MSN: variants seen among roughly 807,000 people sequenced by gnomAD.
MSN encodes epididymis luminal protein 70.
In MSN, 2 loss-of-function variants were observed where a neutral mutation model predicts 48.0. The observed-to-expected ratio is 0.04, with a 90% CI of 0.02 to 0.13. MSN has a LOEUF of 0.13. MSN is among the 10% of genes least tolerant of loss of function. The pLI is 1.00. For missense variants in MSN, 267 were observed against 470.1 expected (o/e 0.57, Z 3.99); for synonymous variants, 146 against 166.9 (o/e 0.87, Z 0.97).
At chrX:65,588,658 A>G (rs974386135) in intron 1 of MSN, 6 of 785,912 alleles carry the variant, frequency 7.6e-6, no homozygotes, top group Non-Finnish European at 4.6e-6. Context: ...GTTCCTGGAC[A>G]GGAAGTGCCA....
intron 1 of MSN, among the ~76,000 whole-genome samples, chrX:65,696,024 T>C (rs1427043203): frequency 9.0e-6 from 1 of 111,331 alleles, no homozygotes; most frequent in Non-Finnish European, 1.9e-5. Context: ...GTCAGCTCTA[T>C]CTCAAGCAAC....
intron 1 of MSN, among the ~76,000 whole-genome samples, chrX:65,593,589 C>T (rs1235628049): frequency 1.8e-5 from 2 of 111,753 alleles, no homozygotes; most frequent in Non-Finnish European, 3.8e-5. Context: ...GTCACCCAGG[C>T]TGGAGTGCAA....
At position 65,649,586 on chromosome X, in the gene MSN, A is replaced by ATAT. The variant is rs200790731; in HGVS notation, c.-22+60974_-22+60975insTAT. 9.4e-4 allele frequency among the ~76,000 whole-genome samples: 93 copies of ATAT among 98,813 alleles called. 1 individual carries two copies. The highest frequency in any genetic ancestry group is 3.6e-3 in the African/African-American group (93 of 25,677). 85.8% of individuals were successfully genotyped at this position (98,813 alleles called of 115,157 possible). A position where few individuals can be genotyped will look rare whatever the true frequency, so the allele number is the denominator to read the frequency against. On this transcript the variant is annotated intron_variant, in intron 1 of 3. Transcript: ENST00000609672. ...GAGAGACTCTATCTCAAAAAAAAAA[A>ATAT]AAATATATATATATATATTTGTGTG...
chrX:65,638,611 G>T, intron 1 of MSN, among the ~76,000 whole-genome samples: 1 of 112,590 alleles, frequency 8.9e-6, no homozygotes, highest in Middle Eastern at 4.6e-3. Context: ...ACTGAGTGCA[G>T]TGGCACGATC....
chrX:65,620,028 G>C (rs1454594236), intron 1 of MSN, among the ~76,000 whole-genome samples: 3 of 111,947 alleles, frequency 2.7e-5, no homozygotes, highest in Non-Finnish European at 5.6e-5. Flanking sequence ...TCGGGGATCA[G>C]GGGTCAGGGA....
At chrX:65,676,960 G>T (rs766758501) in intron 1 of MSN, among the ~76,000 whole-genome samples, 1 of 110,634 alleles carries the variant, frequency 9.0e-6, no homozygotes, top group South Asian at 3.8e-4. Context: ...AAGTAGCTGG[G>T]ACTACAGGTG....
At chrX:65,592,192 C>CTTTTTTTTTTTTT (rs1176549178) in intron 1 of MSN, among the ~76,000 whole-genome samples, 1 of 76,921 alleles carries the variant, frequency 1.3e-5, no homozygotes, top group African/African-American at 5.1e-5. Context: ...CTCTTCATCC[C>CTTTTTTTTTTTTT]TTTTTTTTTT....
At position 65,736,860 on chromosome X, in the gene MSN, G is replaced by A. The variant is rs745720734; in HGVS notation, c.1025G>A (p.Arg342Gln). 3 of 1,184,053 alleles carry A rather than the reference G, an allele frequency of 2.5e-6. No individual in the cohort carries two copies. The highest frequency in any genetic ancestry group is 1.9e-5 in the South Asian group (1 of 53,955). The change falls in exon 9 of 13, where the codon CGG (arginine) becomes CAG (glutamine). Residue 342 changes from arginine to glutamine, a missense_variant. By Grantham distance (43) the Arg-to-Gln change is conservative. Coordinates refer to ENST00000360270, the MANE Select transcript of MSN (RefSeq NM_002444.3). The part of the protein sequence containing the change: ...MAEKEKEKIE[R>Q]EKEELMERLK... ...GAGAAGGAGAAAGAGAAGATTGAACGGGAGAAGGAGGAGCTGATGGAGAGG... is the reference window on the plus strand; with the variant it reads ...GAGAAGGAGAAAGAGAAGATTGAACAGGAGAAGGAGGAGCTGATGGAGAGG...
At chrX:65,652,003 C>A (rs1353196038) in intron 1 of MSN, among the ~76,000 whole-genome samples, 1 of 108,435 alleles carries the variant, frequency 9.2e-6, no homozygotes, top group Non-Finnish European at 1.9e-5. Context: ...GTAATCCCAG[C>A]ACTTTGGGAG....
At position 65,646,872 on chromosome X, in the gene MSN, G is replaced by A. The variant is rs770240741; in HGVS notation, c.-22+58260G>A. Among the ~76,000 whole-genome samples, 53 of 111,216 alleles carry A rather than the reference G, an allele frequency of 4.8e-4. 1 individual carries two copies. Among genetic ancestry groups the A allele is most frequent in the African/African-American group, 1.2e-3 (36 of 30,630 alleles). The stretch of plus-strand genomic sequence containing the variant: ...TGAGGCAGGAGAATCTCTTGAACCC[G>A]GGGAGCGGAGGTTGTGGTGAGCCGA... On this transcript the variant is annotated intron_variant, in intron 1 of 3. Transcript: ENST00000609672.
At chrX:65,670,463 G>GCT (rs1337466006) in intron 1 of MSN, among the ~76,000 whole-genome samples, 1 of 111,299 alleles carries the variant, frequency 9.0e-6, no homozygotes, top group Non-Finnish European at 1.9e-5. Context: ...GGTGGCTCCA[G>GCT]CCAGTAATCC....
intron 1 of MSN, among the ~76,000 whole-genome samples, chrX:65,715,039 G>A (rs1376289847): frequency 8.9e-6 from 1 of 111,770 alleles, no homozygotes; most frequent in Non-Finnish European, 1.9e-5. Context: ...TCTACATATG[G>A]CTAACCAGTT....
At chrX:65,616,192 C>T (rs928447397) in intron 1 of MSN, among the ~76,000 whole-genome samples, 1 of 110,855 alleles carries the variant, frequency 9.0e-6, no homozygotes, top group African/African-American at 3.3e-5. Context: ...GATGTGGGCT[C>T]TTTTTTGGTT....
In MSN at chrX:65,731,178, G is replaced by A. The variant is rs373340100; in HGVS notation, c.539G>A (p.Arg180His). Residue 180 changes from arginine to histidine, a missense_variant, in exon 5 of 13, where the codon CGT (arginine) becomes CAT (histidine). Arg to His is a conservative substitution (Grantham distance 29). Transcript: ENST00000360270. ...ATCCAGGTGTGGCATGAGGAACACC[G>A]TGGCATGCTCAGGTAAGCTTGCCCA... is the stretch of plus-strand genomic sequence containing the variant. ...ERIQVWHEEH[R>H]GMLREDAVLE... The A allele has an allele frequency of 6.7e-6, 8 of 1,202,351 alleles. No homozygotes were observed. The highest frequency in any genetic ancestry group is 4.4e-5 in the Admixed American group (2 of 45,124).
chrX:65,711,482 C>T (rs1234829195), intron 1 of MSN, among the ~76,000 whole-genome samples: 1 of 112,689 alleles, frequency 8.9e-6, no homozygotes, highest in African/African-American at 3.2e-5. Flanking sequence ...AGGCGTGAGA[C>T]ACCATACCCG....
chrX:65,608,429 T>A (rs2070294735), intron 1 of MSN, among the ~76,000 whole-genome samples: 1 of 110,407 alleles, frequency 9.1e-6, no homozygotes, highest in Non-Finnish European at 1.9e-5. Flanking sequence ...CAGGAATATG[T>A]GTATGTGAGG....
At chrX:65,733,611 A>G (rs1003447922) in intron 7 of MSN, among the ~76,000 whole-genome samples, 2 of 112,178 alleles carry the variant, frequency 1.8e-5, no homozygotes, top group Non-Finnish European at 3.8e-5. Context: ...AATGCATCTC[A>G]TATTTCCAAG....
At chrX:65,716,931 C>T in intron 2 of MSN, 30 bp downstream of exon 2, 1 of 1,144,676 alleles carries the variant, frequency 8.7e-7, no homozygotes, top group Non-Finnish European at 1.2e-6. Flanking sequence ...GCCTCCTCTC[C>T]TTCTCTGAAT....
At chrX:65,668,933 G>A (rs2070902419) in intron 1 of MSN, among the ~76,000 whole-genome samples, 1 of 111,202 alleles carries the variant, frequency 9.0e-6, no homozygotes, top group Non-Finnish European at 1.9e-5. Flanking sequence ...GTAGAGGTGA[G>A]ATAGTGACTA....
Sources: gnomAD v4.1 joint callset for allele counts (sites outside exome capture counted in the v4.1 genomes callset) on GRCh38, gnomAD v4.1.1 for gene constraint, MANE v1.5 for transcripts, NCBI Gene and HGNC (gene_info 2026-07-23, HGNC 2026-07-21) for gene names.